The following BACC1 variants were observed in gnomAD, a reference collection of about 807,000 sequenced individuals.
BACC1 encodes BPTF-associated chromatin complex component 1.
chr17:7,015,121 G>A, the BACC1 span: 2 of 1,586,128 alleles, frequency 1.3e-6, no homozygotes, highest in South Asian at 1.1e-5. Flanking sequence ...AGCTGACGAT[G>A]CAGCTGCATC....
At chr17:7,015,714 G>A in the BACC1 span, 1 of 1,517,746 alleles carries the variant, frequency 6.6e-7, no homozygotes, top group Non-Finnish European at 9.1e-7. Flanking sequence ...TGCATAGCCT[G>A]TGGGCGGGCT....
chr17:7,016,352 G>A, the BACC1 span: 1 of 816,578 alleles, frequency 1.2e-6, no homozygotes, highest in Non-Finnish European at 2.0e-6. Flanking sequence ...GTAAAACTTC[G>A]AGAAAGTGAG....
chr17:7,014,825 C>T, the BACC1 span: 3 of 1,525,858 alleles, frequency 2.0e-6, no homozygotes, highest in Middle Eastern at 1.7e-4. The surrounding 1 kb of genome is among the most constrained non-coding windows in gnomAD (Gnocchi z 4.5). Flanking sequence ...GTAGCGGCGG[C>T]GGCGGCGTCT....
the BACC1 span, chr17:7,017,040 G>C: frequency 6.3e-7 from 1 of 1,593,668 alleles, no homozygotes; most frequent in Non-Finnish European, 8.6e-7. Flanking sequence ...CTCCCACACA[G>C]CTGACGGGGT....
the BACC1 span, chr17:7,017,280 C>T: frequency 6.2e-7 from 1 of 1,614,066 alleles, no homozygotes; most frequent in Non-Finnish European, 8.5e-7. Context: ...GGATTCTGGC[C>T]TTCTCATGAC....
chr17:7,016,421 C>T, the BACC1 span: 3 of 1,518,820 alleles, frequency 2.0e-6, no homozygotes, highest in Admixed American at 6.2e-5. Flanking sequence ...TCCCAGAACC[C>T]CTTCCCCTCC....
At chr17:7,015,398 C>T in the BACC1 span, 1 of 1,372,474 alleles carries the variant, frequency 7.3e-7, no homozygotes, top group African/African-American at 1.5e-5. Context: ...CGACCACAAA[C>T]CACCGCCACT....
the BACC1 span, chr17:7,015,629 C>T: frequency 1.5e-6 from 2 of 1,321,492 alleles, no homozygotes; most frequent in African/African-American, 2.9e-5. Context: ...TCCGCCTCCC[C>T]TTACGGAGGA....
the BACC1 span, chr17:7,016,844 G>A: frequency 1.3e-6 from 2 of 1,547,774 alleles, no homozygotes; most frequent in Non-Finnish European, 1.8e-6. Context: ...CAAAGCTTTG[G>A]GAAGCTTGGG....
At chr17:7,015,205 C>T in the BACC1 span, 3 of 1,519,828 alleles carry the variant, frequency 2.0e-6, no homozygotes, top group Non-Finnish European at 8.7e-7. Flanking sequence ...GGCGCTTGGA[C>T]TCGGTCACAG....
the BACC1 span, chr17:7,015,258 T>C: frequency 7.0e-7 from 1 of 1,436,582 alleles, no homozygotes; most frequent in Non-Finnish European, 9.1e-7. Flanking sequence ...TAGTTTCCCT[T>C]TGTGCGTGGC....
the BACC1 span, chr17:7,015,086 G>A: frequency 1.3e-6 from 2 of 1,566,462 alleles, no homozygotes; most frequent in Non-Finnish European, 1.7e-6. Flanking sequence ...CTCGGCGGCC[G>A]GCGCCGCCTT....
chr17:7,015,208 G>C, the BACC1 span: 1 of 1,514,800 alleles, frequency 6.6e-7, no homozygotes, highest in South Asian at 1.2e-5. Flanking sequence ...GCTTGGACTC[G>C]GTCACAGACA....
the BACC1 span, chr17:7,015,721 G>A: frequency 3.2e-6 from 5 of 1,542,010 alleles, no homozygotes; most frequent in South Asian, 3.4e-5. Flanking sequence ...CCTGTGGGCG[G>A]GCTCCACACC....
chr17:7,015,808 AG>A, the BACC1 span: 1 of 1,613,866 alleles, frequency 6.2e-7, no homozygotes, highest in Admixed American at 1.7e-5. Context: ...AGAGATGCTG[AG>A]GGCTGCTGTG....
the BACC1 span, chr17:7,017,168 C>T: frequency 2.7e-5 from 43 of 1,577,890 alleles, no homozygotes; most frequent in Middle Eastern, 1.7e-4. Flanking sequence ...TGGATCAGTA[C>T]GTAGCAGGGT....
At chr17:7,015,916 C>T in the BACC1 span, 2 of 1,525,782 alleles carry the variant, frequency 1.3e-6, no homozygotes, top group Admixed American at 1.7e-5. Context: ...GGTGGGCAGC[C>T]TTCTTCCTCC....
At chr17:7,015,345 A>T in the BACC1 span, 4 of 1,372,022 alleles carry the variant, frequency 2.9e-6, no homozygotes, top group Non-Finnish European at 3.7e-6. Context: ...ACAGGCCCAT[A>T]GCCCAGACTC....
chr17:7,016,761 A>C, the BACC1 span: 1 of 1,543,012 alleles, frequency 6.5e-7, no homozygotes. Context: ...GCCTGGGTCA[A>C]AGAAGGGTCA....
Sources: allele counts gnomAD v4.1 joint callset, GRCh38; gene constraint gnomAD v4.1.1; non-coding constraint Gnocchi (gnomAD v3.1); transcripts MANE v1.5; gene names NCBI Gene and HGNC (gene_info 2026-07-23, HGNC 2026-07-21).